DMD: variants seen among roughly 807,000 people sequenced by gnomAD.
DMD encodes mutant dystrophin.
DMD carries 63 observed loss-of-function variants against 330.1 expected under a neutral mutation model. The observed-to-expected ratio is 0.19, with a 90% CI of 0.16 to 0.24. DMD has a LOEUF of 0.24. Among genes scored for constraint, DMD ranks in the 10% least tolerant of loss-of-function variants. The probability of loss-of-function intolerance (pLI) is 1.00; values close to 1 mark genes in which losing one functional copy is unlikely to be tolerated. For missense variants in DMD, 3,344 were observed against 2,684.1 expected (o/e 1.25, Z -5.43); for synonymous variants, 1,223 against 959.8 (o/e 1.27, Z -5.07).
chrX:31,897,906 G>C (rs1428789481), intron 47 of DMD, among the ~76,000 whole-genome samples: 1 of 110,566 alleles, frequency 9.0e-6, no homozygotes, highest in African/African-American at 3.3e-5. Context: ...TTCTTTTGCT[G>C]TGCAGAAGCT....
intron 2 of DMD, among the ~76,000 whole-genome samples, chrX:32,872,896 G>T (rs1412462743): frequency 8.9e-6 from 1 of 111,862 alleles, no homozygotes; most frequent in African/African-American, 3.2e-5. Flanking sequence ...AGGAGGGCAA[G>T]AGAAGCAATG....
intron 2 of DMD, among the ~76,000 whole-genome samples, chrX:32,899,503 G>A (rs1015046490): frequency 1.8e-5 from 2 of 108,728 alleles, no homozygotes; most frequent in African/African-American, 3.3e-5. Flanking sequence ...GTGAAACCCC[G>A]TCGCTACTAA....
At chrX:32,433,673 A>T (rs1440129287) in intron 29 of DMD, among the ~76,000 whole-genome samples, 2 of 111,286 alleles carry the variant, frequency 1.8e-5, no homozygotes, top group Non-Finnish European at 3.8e-5. Flanking sequence ...GAAAGACTCC[A>T]TCTCAAAAAA....
At chrX:31,618,526 T>C (rs2078344360) in intron 55 of DMD, among the ~76,000 whole-genome samples, 1 of 112,079 alleles carries the variant, frequency 8.9e-6, no homozygotes, top group Non-Finnish European at 1.9e-5. Flanking sequence ...AGTAGAAATA[T>C]TTCCACTAAT....
At chrX:31,836,203 A>C (rs2093193180) in intron 49 of DMD, among the ~76,000 whole-genome samples, 1 of 112,313 alleles carries the variant, frequency 8.9e-6, no homozygotes, top group Non-Finnish European at 1.9e-5. Flanking sequence ...GAAATAAGCA[A>C]TTACATGACA....
chrX:32,153,576 T>C (rs1379013503), intron 44 of DMD, among the ~76,000 whole-genome samples: 2 of 112,160 alleles, frequency 1.8e-5, no homozygotes, highest in African/African-American at 6.5e-5. Context: ...GAGTATGTAT[T>C]TTAAATTAAA....
At chrX:32,358,797 C>T (rs1465221939) in intron 37 of DMD, among the ~76,000 whole-genome samples, 2 of 111,119 alleles carry the variant, frequency 1.8e-5, no homozygotes, top group Non-Finnish European at 3.8e-5. Flanking sequence ...TGTCTCAACC[C>T]CCCAGATTCG....
intron 2 of DMD, among the ~76,000 whole-genome samples, chrX:33,008,046 C>T (rs913089275): frequency 1.8e-5 from 2 of 111,443 alleles, no homozygotes; most frequent in African/African-American, 6.5e-5. Context: ...TAACTTCACA[C>T]ATTTCTAATG....
intron 1 of DMD, among the ~76,000 whole-genome samples, chrX:33,233,203 T>G (rs1450035144): frequency 8.9e-6 from 1 of 111,816 alleles, no homozygotes; most frequent in Non-Finnish European, 1.9e-5. Context: ...CAAATATTAA[T>G]TGTCAATGAA....
At chrX:32,125,517 G>C (rs772657632) in intron 44 of DMD, among the ~76,000 whole-genome samples, 1 of 111,565 alleles carries the variant, frequency 9.0e-6, no homozygotes, top group Non-Finnish European at 1.9e-5. Context: ...AATTAGGCAG[G>C]GGGGTATGTA....
rs753095352 is a variant in DMD at position 31,894,912 on chromosome X, T to TA, written c.6913-19540dup. ...TATTTTTACAGGTGAAGCATGAATT[T>TA]AAAAAAAAATTTAAAAAGTGGTTTC... On this transcript the variant is annotated intron_variant, in intron 47 of 78. Transcript: ENST00000357033. 1.0e-2 allele frequency among the ~76,000 whole-genome samples: 1,104 copies of TA among 110,636 alleles called. 20 individuals are homozygous for TA. Among genetic ancestry groups the TA allele is most frequent in the African/African-American group, 0.034 (1,047 of 30,412 alleles).
At chrX:31,935,203 C>CA (rs1317445470) in intron 45 of DMD, among the ~76,000 whole-genome samples, 5 of 111,758 alleles carry the variant, frequency 4.5e-5, no homozygotes, top group Non-Finnish European at 9.4e-5. Flanking sequence ...ACTTCTGACT[C>CA]AGAGAGATGA....
At chrX:32,014,946 C>G (rs1258148871) in intron 44 of DMD, among the ~76,000 whole-genome samples, 2 of 112,296 alleles carry the variant, frequency 1.8e-5, no homozygotes, top group African/African-American at 6.5e-5. Flanking sequence ...ATCTGAGGCA[C>G]ATTCTCCTTT....
At chrX:32,277,442 T>C (rs1267288806) in intron 43 of DMD, among the ~76,000 whole-genome samples, 1 of 111,313 alleles carries the variant, frequency 9.0e-6, no homozygotes, top group Non-Finnish European at 1.9e-5. Flanking sequence ...AGTAGTAACA[T>C]TGGACTTAAT....
intron 1 of DMD, among the ~76,000 whole-genome samples, chrX:33,148,400 A>C (rs1193625693): frequency 2.7e-5 from 3 of 112,170 alleles, no homozygotes; most frequent in African/African-American, 9.7e-5. Flanking sequence ...TTTCACAATG[A>C]TTTATTGCAG....
At chrX:31,581,490 G>GT (rs979709674) in intron 55 of DMD, among the ~76,000 whole-genome samples, 1 of 111,339 alleles carries the variant, frequency 9.0e-6, no homozygotes, top group Admixed American at 9.6e-5. Context: ...AAAAACACAG[G>GT]TTTTTTTCTA....
At chrX:32,461,866 T>C (rs1018112775) in intron 25 of DMD, among the ~76,000 whole-genome samples, 4 of 110,749 alleles carry the variant, frequency 3.6e-5, no homozygotes, top group African/African-American at 1.3e-4. Flanking sequence ...GAGAAGAATG[T>C]GAGCTAGCTG....
chrX:32,352,345 T>C (rs1489908515), intron 37 of DMD, among the ~76,000 whole-genome samples: 1 of 111,066 alleles, frequency 9.0e-6, no homozygotes, highest in Non-Finnish European at 1.9e-5. Flanking sequence ...GCCATATATG[T>C]AATTTTAAAT....
chrX:32,670,176 G>A (rs767553767), intron 9 of DMD, among the ~76,000 whole-genome samples: 4 of 111,470 alleles, frequency 3.6e-5, no homozygotes, highest in African/African-American at 6.5e-5. Context: ...TATCTCTACT[G>A]TGTCTTAAAG....
Sources: gnomAD v4.1 joint callset for allele counts (sites outside exome capture counted in the v4.1 genomes callset) on GRCh38, gnomAD v4.1.1 for gene constraint, MANE v1.5 for transcripts, NCBI Gene and HGNC (gene_info 2026-07-23, HGNC 2026-07-21) for gene names.